The following ITGA9 variants were observed in gnomAD, a reference collection of about 807,000 sequenced individuals.
ITGA9 encodes integrin subunit alpha 9, also known as integrin alpha-9.
ITGA9 carries 56 observed loss-of-function variants against 127.8 expected under a neutral mutation model. That is an observed-to-expected ratio of 0.44 (90% CI 0.35 to 0.55). ITGA9 has a LOEUF of 0.55. Among genes scored for constraint, ITGA9 ranks in the 20% least tolerant of loss-of-function variants. The pLI, the probability that ITGA9 is intolerant of heterozygous loss-of-function variation, is 0.00. For synonymous variants in ITGA9, 508 were observed against 514.5 expected, an observed-to-expected ratio of 0.99 and a Z score of 0.17; for missense variants, 1,196 against 1,347.1, an observed-to-expected ratio of 0.89 and a Z score of 1.76.
At chr3:37,624,014 CAT>C (rs938158592) in intron 15 of ITGA9, among the ~76,000 whole-genome samples, 3 of 151,946 alleles carry the variant, frequency 2.0e-5, no homozygotes, top group African/African-American at 7.3e-5. Context: ...AAAAAGATCA[CAT>C]GTTTGGTGAA....
chr3:37,484,364 C>T (rs561519036), intron 4 of ITGA9, among the ~76,000 whole-genome samples: 7 of 152,120 alleles, frequency 4.6e-5, no homozygotes, highest in Non-Finnish European at 1.0e-4. Context: ...AGGATGCCGG[C>T]CGTAGTGAGA....
intron 18 of ITGA9, among the ~76,000 whole-genome samples, chr3:37,689,374 A>G (rs1302674874): frequency 6.6e-6 from 1 of 152,202 alleles, no homozygotes; most frequent in Non-Finnish European, 1.5e-5. Context: ...TTGAAAACAC[A>G]TTATAAAAGA....
chr3:37,574,046 A>G (rs1181404559), intron 15 of ITGA9, among the ~76,000 whole-genome samples: 1 of 152,170 alleles, frequency 6.6e-6, no homozygotes, highest in Non-Finnish European at 1.5e-5. Context: ...TAAAAGTTCC[A>G]TGTACTATCT....
rs79920774 is a variant in ITGA9 at position 37,520,434 on chromosome 3, C to G, written c.1236+1080C>G. Among the ~76,000 whole-genome samples the G allele has an allele frequency of 6.8e-4, 103 of 152,322 alleles. 1 individual carries two copies. The East Asian group carries it at 0.019, about 29-fold the overall frequency. On this transcript the variant is annotated intron_variant, in intron 11 of 27. Coordinates refer to ENST00000264741, the MANE Select transcript of ITGA9 (RefSeq NM_002207.3). Reference sequence around the variant, plus strand: ...CACGAGGCCCAAGGAGGTTATTTAACTTGCCCAAGGTCATAAGTGGCAGTA... The same window carrying G: ...CACGAGGCCCAAGGAGGTTATTTAAGTTGCCCAAGGTCATAAGTGGCAGTA...
chr3:37,736,136 C>T (rs552077211), intron 19 of ITGA9, among the ~76,000 whole-genome samples: 1 of 152,256 alleles, frequency 6.6e-6, no homozygotes, highest in South Asian at 2.1e-4. Context: ...ATCATGAAGG[C>T]CTCACCCTCA....
intron 18 of ITGA9, among the ~76,000 whole-genome samples, chr3:37,708,674 C>CACACAACA (rs1575202758): frequency 1.3e-5 from 2 of 152,314 alleles, no homozygotes; most frequent in Non-Finnish European, 1.5e-5. Flanking sequence ...GACAGCTCCC[C>CACACAACA]ATACAACAAA....
At chr3:37,753,331 A>G (rs1454417446) in intron 23 of ITGA9, among the ~76,000 whole-genome samples, 2 of 152,244 alleles carry the variant, frequency 1.3e-5, no homozygotes, top group African/African-American at 2.4e-5. Context: ...AAACAGATAC[A>G]TAAAATGCCA....
chr3:37,604,811 G>T (rs551904915), intron 15 of ITGA9, among the ~76,000 whole-genome samples: 2 of 152,190 alleles, frequency 1.3e-5, no homozygotes, highest in Non-Finnish European at 2.9e-5. Context: ...AAATCATGCA[G>T]AGGTTCTCAG....
chr3:37,709,467 G>T (rs1210095850), intron 18 of ITGA9, among the ~76,000 whole-genome samples: 1 of 152,208 alleles, frequency 6.6e-6, no homozygotes. Flanking sequence ...CAAAACTTCT[G>T]CAAGGGCATA....
intron 14 of ITGA9, among the ~76,000 whole-genome samples, chr3:37,534,676 T>A (rs1579093801): frequency 6.6e-6 from 1 of 152,356 alleles, no homozygotes; most frequent in East Asian, 1.9e-4. Context: ...TATCATTTTT[T>A]AAAAAGAGCT....
At chr3:37,713,958 A>T (rs999814502) in intron 18 of ITGA9, among the ~76,000 whole-genome samples, 2 of 152,218 alleles carry the variant, frequency 1.3e-5, no homozygotes, top group Non-Finnish European at 2.9e-5. Context: ...CCCTGGTAGA[A>T]ATGCTGCATT....
chr3:37,512,120 C>CTTTTCTTTTCTTTTCTTTTCT (rs60763846), intron 8 of ITGA9, among the ~76,000 whole-genome samples: 2 of 39,464 alleles, frequency 5.1e-5, no homozygotes, highest in Admixed American at 3.2e-4. Flanking sequence ...TTCCTTCCTT[C>CTTTTCTTTTCTTTTCTTTTCT]TTTCTTTTCT....
rs142640854 is a variant in ITGA9 at position 37,723,662 on chromosome 3, A to C, written c.2068-9050A>C. The stretch of plus-strand genomic sequence containing the variant: ...CAGGCATGAGACACTGTGCCCTGCC[A>C]GTTATTTTTCATTTCCTTTTGAATT... On this transcript the variant is annotated intron_variant, in intron 18 of 27. Coordinates refer to ENST00000264741, the MANE Select transcript of ITGA9 (RefSeq NM_002207.3). Among the ~76,000 whole-genome samples, 4 of 152,284 alleles carry C rather than the reference A, an allele frequency of 2.6e-5. No individual in the cohort carries two copies. In the East Asian group the frequency reaches 7.7e-4, roughly 29 times the overall value.
chr3:37,515,815 G>A (rs772759138), intron 9 of ITGA9, among the ~76,000 whole-genome samples: 5 of 152,296 alleles, frequency 3.3e-5, no homozygotes, highest in Admixed American at 2.6e-4. Flanking sequence ...CTTGAGCACC[G>A]GAGTTTGAGG....
At position 37,748,223 on chromosome 3, in the gene ITGA9, A is replaced by G. The variant is rs947617625; in HGVS notation, c.2434-2239A>G. On this transcript the variant is annotated intron_variant, in intron 22 of 27. Transcript: ENST00000264741. The stretch of plus-strand genomic sequence containing the variant: ...TGTATGCAAATCTATAAGAAAGGTG[A>G]CATTATAGACATCAAGGGAATGGGT... 1.1e-5 allele frequency: 5 copies of G among 462,118 alleles called. No individual in the cohort carries two copies. In the Admixed American group the frequency reaches 1.2e-4, roughly 11 times the overall value. The allele number at this position is 462,118 out of a possible 1,614,324, so 28.6% of individuals were successfully genotyped here. A position where few individuals can be genotyped will look rare whatever the true frequency, so the allele number is the denominator to read the frequency against.
chr3:37,466,049 C>T (rs1392529356), intron 1 of ITGA9, among the ~76,000 whole-genome samples: 1 of 152,096 alleles, frequency 6.6e-6, no homozygotes, highest in Non-Finnish European at 1.5e-5. Context: ...AATATTAGTA[C>T]CTCCCGTAGG....
At chr3:37,615,945 T>A (rs1248276485) in intron 15 of ITGA9, among the ~76,000 whole-genome samples, 1 of 152,200 alleles carries the variant, frequency 6.6e-6, no homozygotes, top group Non-Finnish European at 1.5e-5. Flanking sequence ...TTTGAAGGGT[T>A]TTTTGTGTCT....
intron 15 of ITGA9, among the ~76,000 whole-genome samples, chr3:37,593,486 T>A (rs944029303): frequency 2.6e-5 from 4 of 152,184 alleles, no homozygotes; most frequent in African/African-American, 9.7e-5. Context: ...GGTGCCAGCA[T>A]AGTTGGTGTG....
intron 15 of ITGA9, among the ~76,000 whole-genome samples, chr3:37,551,027 A>T (rs1699373276): frequency 6.6e-6 from 1 of 152,186 alleles, no homozygotes; most frequent in African/African-American, 2.4e-5. Context: ...TGATTATCAG[A>T]GTCTTTTTTC....
Sources: allele counts gnomAD v4.1 joint callset (sites outside exome capture counted in the v4.1 genomes callset), GRCh38; gene constraint gnomAD v4.1.1; transcripts MANE v1.5; gene names NCBI Gene and HGNC (gene_info 2026-07-23, HGNC 2026-07-21).